PSMA1: variants seen among roughly 807,000 people sequenced by gnomAD.
PSMA1 encodes the protein proteasome 20S subunit alpha 1.
A neutral mutation model predicts 38.4 loss-of-function variants in PSMA1; 3 were observed. The observed-to-expected ratio is 0.08, with a 90% CI of 0.04 to 0.20. The LOEUF (loss-of-function observed/expected upper bound fraction) is 0.20, where lower values mean the gene tolerates loss of function less well. Among genes scored for constraint, PSMA1 ranks in the 10% least tolerant of loss-of-function variants. PSMA1 has a pLI of 1.00. For missense variants in PSMA1, 227 were observed against 325.3 expected (o/e 0.70, Z 2.32); for synonymous variants, 101 against 107.1 (o/e 0.94, Z 0.35).
intron 1 of PSMA1, among the ~76,000 whole-genome samples, chr11:14,626,244 T>G (rs754470751): frequency 6.6e-6 from 1 of 152,050 alleles, no homozygotes; most frequent in African/African-American, 2.4e-5. Context: ...AAAACACTAC[T>G]AGAAAATCAC....
chr11:14,520,351 G>A lies in PSMA1; in HGVS notation c.-52C>T, dbSNP rs777316245. 8 of 1,614,068 alleles carry A rather than the reference G, an allele frequency of 5.0e-6. No homozygotes were observed. The highest frequency in any genetic ancestry group is 2.2e-5 in the South Asian group (2 of 91,090). On this transcript the variant is annotated 5_prime_UTR_variant, in exon 1 of 10. Transcript: ENST00000396394. ...CTCCAGCAAAACTGAGAATCAAGGA[G>A]GTGCTGCCGAAAGTATCGCTCAGCG...
chr11:14,562,070 T>C (rs1483699158), intron 2 of PSMA1, among the ~76,000 whole-genome samples: 1 of 152,186 alleles, frequency 6.6e-6, no homozygotes, highest in Non-Finnish European at 1.5e-5. Flanking sequence ...CGCTTCTACC[T>C]TTAAGACTGG....
intron 8 of PSMA1, among the ~76,000 whole-genome samples, chr11:14,509,234 T>A (rs2134142151): frequency 6.6e-6 from 1 of 152,290 alleles, no homozygotes; most frequent in Non-Finnish European, 1.5e-5. Flanking sequence ...ACTATCTTCT[T>A]CACCTCAGTA....
At chr11:14,531,878 A>G (rs1424487023) in intron 2 of PSMA1, among the ~76,000 whole-genome samples, 1 of 152,218 alleles carries the variant, frequency 6.6e-6, no homozygotes, top group African/African-American at 2.4e-5. Context: ...AGACACTAGT[A>G]GATCAGAAAG....
At position 14,505,226 on chromosome 11, in the gene PSMA1, G is replaced by T; in HGVS notation, c.758C>A (p.Pro253His). 6.2e-7 allele frequency: 1 copy of T among 1,613,630 alleles called. No homozygotes were observed. Among genetic ancestry groups the T allele is most frequent in the Non-Finnish European group, 8.5e-7 (1 of 1,179,740 alleles). The change falls in exon 10 of 10, where the codon CCT becomes CAT. Residue 253 changes from proline to histidine, a missense_variant. Transcript: ENST00000396394. ...KAQPAQPADE[P>H]AEKADEPMEH ...CATTGGTTCATCAGCCTTTTCTGCA[G>T]GTTCATCAGCAGGTTGAGCAGGCTT...
chr11:14,579,114 G>A (rs1852252800), intron 2 of PSMA1, among the ~76,000 whole-genome samples: 1 of 152,208 alleles, frequency 6.6e-6, no homozygotes, highest in South Asian at 2.1e-4. Flanking sequence ...TAACCTATTA[G>A]AAAGAAGGTA....
In PSMA1 at chr11:14,575,463, T is replaced by C. The variant is rs553136607; in HGVS notation, c.21+35503A>G. Among the ~76,000 whole-genome samples the C allele has an allele frequency of 1.1e-4, 17 of 150,166 alleles. No homozygotes were observed. The East Asian group carries it at 2.6e-3, about 23-fold the overall frequency. On this transcript the variant is annotated intron_variant, in intron 2 of 10. Transcript: ENST00000418988. ...TGTGATGTTCCCCACCCTGTGTCCA[T>C]GTGTTCTCATTCTTCAATTCCCACC...
chr11:14,505,282 AATGAACACTTGATCAATATACAC>A lies in PSMA1; in HGVS notation c.736-57_736-35del. On this transcript the variant is annotated intron_variant, in intron 9 of 9. Transcript: ENST00000396394. Reference sequence around the variant, plus strand: ...GGAAAGAAAAAAAGAAAATATGTAAAATGAACACTTGATCAATATACACATCTAATCACAAATATTACGTTATT... The same window carrying A: ...GGAAAGAAAAAAAGAAAATATGTAAAATCTAATCACAAATATTACGTTATT... 2.6e-6 allele frequency: 4 copies of A among 1,556,716 alleles called. No homozygotes were observed. In the South Asian group the frequency reaches 4.5e-5, roughly 17 times the overall value.
intron 1 of PSMA1, among the ~76,000 whole-genome samples, chr11:14,642,400 T>G (rs1853222826): frequency 6.6e-6 from 1 of 152,200 alleles, no homozygotes; most frequent in African/African-American, 2.4e-5. Flanking sequence ...GGACAAGCAT[T>G]TGGGTAATAC....
rs202179289 is a variant in PSMA1 at position 14,519,661 on chromosome 11, T to C, written c.4-620A>G. Among the ~76,000 whole-genome samples the C allele has an allele frequency of 8.7e-4, 132 of 152,292 alleles. 1 individual carries two copies. The East Asian group carries it at 0.018, about 21-fold the overall frequency. On this transcript the variant is annotated intron_variant, in intron 1 of 9. Coordinates refer to ENST00000396394, the MANE Select transcript of PSMA1 (RefSeq NM_002786.4). ...TGCAGCGATAGAACCATTACGGCTATTACGACTATTATAATAATAGTCATG... is the reference window on the plus strand; with the variant it reads ...TGCAGCGATAGAACCATTACGGCTACTACGACTATTATAATAATAGTCATG...
intron 2 of PSMA1, among the ~76,000 whole-genome samples, chr11:14,540,047 C>T (rs1254863595): frequency 6.6e-6 from 1 of 152,162 alleles, no homozygotes. Flanking sequence ...CTCTCTCCAC[C>T]ACTAACATAA....
chr11:14,597,481 A>G (rs1269039959), intron 2 of PSMA1, among the ~76,000 whole-genome samples: 2 of 152,124 alleles, frequency 1.3e-5, no homozygotes, highest in East Asian at 1.9e-4. Flanking sequence ...GGGAGGGTGT[A>G]TGTGTCCAGG....
At chr11:14,570,821 A>T (rs1339382219) in intron 2 of PSMA1, among the ~76,000 whole-genome samples, 1 of 152,216 alleles carries the variant, frequency 6.6e-6, no homozygotes, top group Non-Finnish European at 1.5e-5. Flanking sequence ...CTAGCAAGGC[A>T]GGCCAACATT....
intron 2 of PSMA1, among the ~76,000 whole-genome samples, chr11:14,561,719 C>T (rs189094576): frequency 1.3e-3 from 197 of 152,260 alleles, no homozygotes; most frequent in Admixed American, 2.6e-3. Flanking sequence ...ATGCCCTGCG[C>T]TGTTTTTGGG....
chr11:14,598,266 G>T (rs182775302), intron 2 of PSMA1, among the ~76,000 whole-genome samples: 1 of 152,132 alleles, frequency 6.6e-6, no homozygotes, highest in South Asian at 2.1e-4. Context: ...TATAAGGTCC[G>T]CTTGGTGCAG....
intron 1 of PSMA1, among the ~76,000 whole-genome samples, chr11:14,629,643 T>C (rs1468865343): frequency 3.2e-4 from 48 of 152,024 alleles, no homozygotes; most frequent in East Asian, 7.7e-4. Flanking sequence ...ATTGACTTGG[T>C]GATGCGGGCT....
intron 2 of PSMA1, among the ~76,000 whole-genome samples, chr11:14,583,265 A>G (rs1006750926): frequency 6.6e-6 from 1 of 152,048 alleles, no homozygotes; most frequent in East Asian, 1.9e-4. Context: ...TTGTTTTGAC[A>G]GATCATTGAG....
intron 2 of PSMA1, chr11:14,610,878 C>A: frequency 1.5e-6 from 2 of 1,370,546 alleles, no homozygotes. Flanking sequence ...CTCACATGCT[C>A]CTCTAGGTTT....
rs60499933 is a variant in PSMA1 at position 14,508,561 on chromosome 11, C to CA, written c.625-796dup. On this transcript the variant is annotated intron_variant, in intron 8 of 9. Coordinates refer to ENST00000396394, the MANE Select transcript of PSMA1 (RefSeq NM_002786.4). Reference sequence around the variant, plus strand: ...TCCTCTTCCAGTCACCACTCCATCTCAAAAAAAAAAAAAAAACCCAGATTG... The same window carrying CA: ...TCCTCTTCCAGTCACCACTCCATCTCAAAAAAAAAAAAAAAAACCCAGATTG... 8.7e-4 allele frequency among the ~76,000 whole-genome samples: 41 copies of CA among 47,120 alleles called. 5 individuals carry two copies. The highest frequency in any genetic ancestry group is 7.7e-3 in the East Asian group (10 of 1,292). The allele number at this position is 47,120 out of a possible 152,430, so 30.9% of individuals were successfully genotyped here. A position where few individuals can be genotyped will look rare whatever the true frequency, so the allele number is the denominator to read the frequency against.
Sources: allele counts gnomAD v4.1 joint callset (sites outside exome capture counted in the v4.1 genomes callset), GRCh38; gene constraint gnomAD v4.1.1; transcripts MANE v1.5; gene names NCBI Gene and HGNC (gene_info 2026-07-23, HGNC 2026-07-21).